The following ATP6V0D1 variants were observed in gnomAD, a reference collection of about 807,000 sequenced individuals.
ATP6V0D1 encodes the protein V-type proton ATPase subunit d 1.
A neutral mutation model predicts 39.0 loss-of-function variants in ATP6V0D1; 13 were observed. That is an observed-to-expected ratio of 0.33 (90% CI 0.22 to 0.53). The LOEUF (loss-of-function observed/expected upper bound fraction) is 0.53. Among genes scored for constraint, ATP6V0D1 ranks in the 20% least tolerant of loss-of-function variants. The pLI, the probability that ATP6V0D1 is intolerant of heterozygous loss-of-function variation, is 0.94. For missense variants in ATP6V0D1, 272 were observed against 470.9 expected, an observed-to-expected ratio of 0.58 and a Z score of 3.91; for synonymous variants, 191 against 191.2, an observed-to-expected ratio of 1.00 and a Z score of 0.01.
rs973813166 is a variant in ATP6V0D1, at chr16:67,453,447, C to A, written c.302+97G>T. On this transcript the variant is annotated intron_variant, in intron 2 of 7. Transcript: ENST00000290949. This position sits in a 1 kb window ranked among gnomAD's most constrained non-coding sequence, Gnocchi z 4.1. Reference sequence around the variant, plus strand: ...CATCAGCTCTGACAGCTGACACAGGCACGAAGGCAGCTAGCCTAAGCCACA... The same window carrying A: ...CATCAGCTCTGACAGCTGACACAGGAACGAAGGCAGCTAGCCTAAGCCACA... 16 of 1,435,410 alleles carry A rather than the reference C, an allele frequency of 1.1e-5. No individual in the cohort carries two copies. Among genetic ancestry groups the A allele is most frequent in the Non-Finnish European group, 1.4e-5 (15 of 1,042,740 alleles). The allele number at this position is 1,435,410 out of a possible 1,614,324, so 88.9% of individuals were successfully genotyped here.
At chr16:67,439,774 C>G (rs2041026625) in intron 4 of ATP6V0D1, 1 of 213,514 alleles carries the variant, frequency 4.7e-6, no homozygotes, top group Non-Finnish European at 9.5e-6. Context: ...GTAATCCCAG[C>G]ACTTTGGGAG....
intron 2 of ATP6V0D1, among the ~76,000 whole-genome samples, chr16:67,446,384 C>T (rs1027455850): frequency 2.0e-5 from 3 of 152,216 alleles, no homozygotes; most frequent in African/African-American, 7.2e-5. Flanking sequence ...CCTCTCTCCA[C>T]CCCCAATCTG....
chr16:67,459,888 G>A (rs529738811), intron 1 of ATP6V0D1, among the ~76,000 whole-genome samples: 8 of 152,368 alleles, frequency 5.3e-5, no homozygotes, highest in South Asian at 2.1e-4. Flanking sequence ...TACTGGGCGG[G>A]GCAGACCCGC....
chr16:67,438,468 C>T lies in ATP6V0D1; in HGVS notation c.*60G>A, dbSNP rs1179416197. On this transcript the variant is annotated 3_prime_UTR_variant, in exon 8 of 8. Coordinates refer to ENST00000290949, the MANE Select transcript of ATP6V0D1 (RefSeq NM_004691.5). The stretch of plus-strand genomic sequence containing the variant: ...GACCACATACACACACACGCACACA[C>T]ACGCGCACACACACACACACACACA... The T allele has an allele frequency of 8.3e-6, 13 of 1,572,370 alleles. No individual in the cohort carries two copies. Among genetic ancestry groups the T allele is most frequent in the Admixed American group, 3.5e-5 (2 of 56,388 alleles).
intron 1 of ATP6V0D1, among the ~76,000 whole-genome samples, chr16:67,473,524 G>A (rs946480907): frequency 6.6e-6 from 1 of 151,294 alleles, no homozygotes; most frequent in African/African-American, 2.4e-5. Flanking sequence ...AATTTTTTGT[G>A]GTTTTGTTTG....
At chr16:67,451,155 A>AC (rs1230900481) in intron 2 of ATP6V0D1, among the ~76,000 whole-genome samples, 1 of 152,014 alleles carries the variant, frequency 6.6e-6, no homozygotes, top group East Asian at 1.9e-4. Context: ...ATGACCCCCC[A>AC]CTCAAGGCTG....
chr16:67,445,367 T>C (rs1377533053), intron 2 of ATP6V0D1, among the ~76,000 whole-genome samples: 1 of 151,824 alleles, frequency 6.6e-6, no homozygotes, highest in African/African-American at 2.4e-5. Context: ...TGTCCCCCAG[T>C]GGGGACAGAA....
intron 1 of ATP6V0D1, among the ~76,000 whole-genome samples, chr16:67,466,399 G>A (rs1404270216): frequency 1.3e-5 from 2 of 151,162 alleles, no homozygotes; most frequent in African/African-American, 4.9e-5. Context: ...GCATGGTGGC[G>A]CTTGCCTGTA....
rs1446467073 is a variant in ATP6V0D1 at position 67,464,966 on chromosome 16, C to T, written c.131-11251G>A. ...ATCCCAGCACTGCCCCTTGTGCCTA[C>T]TCCTTGGTCCTTCAGGGGAGTTGCT... On this transcript the variant is annotated intron_variant, in intron 1 of 7. Coordinates refer to ENST00000290949, the MANE Select transcript of ATP6V0D1 (RefSeq NM_004691.5). 2.6e-5 allele frequency among the ~76,000 whole-genome samples: 4 copies of T among 152,254 alleles called. No homozygotes were observed. The East Asian group carries it at 5.8e-4, about 22-fold the overall frequency.
chr16:67,438,398 G>C lies in ATP6V0D1; in HGVS notation c.*130C>G. 1 of 1,145,552 alleles carries C rather than the reference G, an allele frequency of 8.7e-7. No homozygotes were observed. Among genetic ancestry groups the C allele is most frequent in the Non-Finnish European group, 1.2e-6 (1 of 805,990 alleles). The allele number at this position is 1,145,552 out of a possible 1,614,324, so 71.0% of individuals were successfully genotyped here. On this transcript the variant is annotated 3_prime_UTR_variant, in exon 8 of 8. Transcript: ENST00000290949. Reference sequence around the variant, plus strand: ...GGAGAACTGGGCAGCCGCTAGGACAGCGTACTACACCCCGGACAGGCAGGT... The same window carrying C: ...GGAGAACTGGGCAGCCGCTAGGACACCGTACTACACCCCGGACAGGCAGGT...
rs962623699 is a variant in ATP6V0D1 at position 67,457,710 on chromosome 16, T to C, written c.131-3995A>G. The C allele has an allele frequency of 4.3e-6, 5 of 1,168,658 alleles. No individual in the cohort carries two copies. The African/African-American group carries it at 7.9e-5, about 18-fold the overall frequency. The allele number at this position is 1,168,658 out of a possible 1,614,324, so 72.4% of individuals were successfully genotyped here. A position where few individuals can be genotyped will look rare whatever the true frequency, so the allele number is the denominator to read the frequency against. ...GGGGGCAAAGCCAAGCAGAGGGCTC[T>C]CTTCTGCAGGCCCCCCACTCCTGGG... On this transcript the variant is annotated intron_variant, in intron 1 of 7. Transcript: ENST00000290949.
chr16:67,481,119 AG>A lies in ATP6V0D1; in HGVS notation c.-34del. On this transcript the variant is annotated 5_prime_UTR_variant, in exon 1 of 8. Transcript: ENST00000290949. The stretch of plus-strand genomic sequence containing the variant: ...GCGGGAGCGGCGGGACCGGAGAACC[AG>A]GACCGGCCGGCACGAATCGCGACTC... The A allele has an allele frequency of 3.1e-6, 5 of 1,612,416 alleles. No individual in the cohort carries two copies. The highest frequency in any genetic ancestry group is 4.2e-6 in the Non-Finnish European group (5 of 1,178,894).
chr16:67,452,317 G>C, intron 2 of ATP6V0D1: 1 of 1,535,722 alleles, frequency 6.5e-7, no homozygotes, highest in South Asian at 1.2e-5. Context: ...CCTAGCTTGG[G>C]CATGTTCCCT....
intron 1 of ATP6V0D1, among the ~76,000 whole-genome samples, chr16:67,472,457 C>T (rs1026380159): frequency 3.9e-4 from 60 of 152,352 alleles, no homozygotes; most frequent in Admixed American, 3.7e-3. Context: ...CTTTGGATCA[C>T]GTTTGACTCA....
At chr16:67,471,488 C>G (rs2041372625) in intron 1 of ATP6V0D1, among the ~76,000 whole-genome samples, 1 of 152,134 alleles carries the variant, frequency 6.6e-6, no homozygotes, top group South Asian at 2.1e-4. Context: ...CCACACGTGG[C>G]CTATTATTTC....
chr16:67,446,286 C>G (rs1029553834), intron 2 of ATP6V0D1, among the ~76,000 whole-genome samples: 2 of 152,166 alleles, frequency 1.3e-5, no homozygotes, highest in East Asian at 3.8e-4. Flanking sequence ...CCCCACTCCC[C>G]CTGCTTGCTC....
At chr16:67,477,696 G>A (rs541528229) in intron 1 of ATP6V0D1, among the ~76,000 whole-genome samples, 115 of 150,328 alleles carry the variant, frequency 7.6e-4, no homozygotes, top group Middle Eastern at 3.4e-3. Context: ...TTCTTTATAC[G>A]GAGTCTTGCT....
intron 1 of ATP6V0D1, chr16:67,455,645 CCT>C (rs1191041639): frequency 2.0e-5 from 3 of 152,364 alleles, no homozygotes; most frequent in Middle Eastern, 3.4e-3. Context: ...GCCACCAGCC[CCT>C]GTTCTGCTCT....
intron 1 of ATP6V0D1, among the ~76,000 whole-genome samples, chr16:67,479,936 AC>A (rs2041451775): frequency 2.8e-5 from 3 of 108,574 alleles, no homozygotes; most frequent in African/African-American, 2.2e-4. Context: ...GCGGTGGCTC[AC>A]GCCTGTAATC....
Sources: gnomAD v4.1 joint callset for allele counts (sites outside exome capture counted in the v4.1 genomes callset) on GRCh38, gnomAD v4.1.1 for gene constraint, Gnocchi (gnomAD v3.1) non-coding constraint, MANE v1.5 for transcripts, NCBI Gene and HGNC (gene_info 2026-07-23, HGNC 2026-07-21) for gene names.